The following NTM variants were observed in gnomAD, a reference collection of about 807,000 sequenced individuals.
NTM encodes the protein IgLON family member 2.
In NTM, 13 loss-of-function variants were observed where a neutral mutation model predicts 42.1. That is an observed-to-expected ratio of 0.31 (90% CI 0.20 to 0.49). The LOEUF (loss-of-function observed/expected upper bound fraction) is 0.49, where lower values mean the gene tolerates loss of function less well. NTM is among the 20% of genes least tolerant of loss of function. NTM has a pLI of 0.99. For missense variants in NTM, 373 were observed against 452.8 expected, an observed-to-expected ratio of 0.82 and a Z score of 1.60; for synonymous variants, 187 against 179.2, an observed-to-expected ratio of 1.04 and a Z score of -0.35.
chr11:131,836,613 T>A (rs1020313002), intron 1 of NTM, among the ~76,000 whole-genome samples: 4 of 152,236 alleles, frequency 2.6e-5, no homozygotes, highest in African/African-American at 9.6e-5. Flanking sequence ...CCCCTCTGTA[T>A]GCTTCTCTCC....
intron 3 of NTM, among the ~76,000 whole-genome samples, chr11:132,183,512 G>A (rs11222967): frequency 0.054 from 8,161 of 151,992 alleles, 397 homozygotes; most frequent in East Asian, 0.13. Context: ...ATGAGACTCT[G>A]GAGCCAAATT....
chr11:132,173,387 C>T (rs2076361792), intron 3 of NTM, among the ~76,000 whole-genome samples: 1 of 152,164 alleles, frequency 6.6e-6, no homozygotes, highest in African/African-American at 2.4e-5. Context: ...TCTGTTCTGA[C>T]TGGCTCTGAA....
chr11:131,737,082 G>C (rs535496396), intron 1 of NTM, among the ~76,000 whole-genome samples: 5 of 152,278 alleles, frequency 3.3e-5, no homozygotes, highest in African/African-American at 1.2e-4. Flanking sequence ...TGGATGTCAA[G>C]CTGTCAGGCT....
intron 1 of NTM, among the ~76,000 whole-genome samples, chr11:131,883,692 T>A (rs1056090240): frequency 6.6e-6 from 1 of 152,150 alleles, no homozygotes; most frequent in African/African-American, 2.4e-5. Flanking sequence ...GTCTGAAATA[T>A]TAAAGCAAAA....
At chr11:132,277,093 G>A (rs1205549173) in intron 4 of NTM, among the ~76,000 whole-genome samples, 1 of 152,098 alleles carries the variant, frequency 6.6e-6, no homozygotes, top group African/African-American at 2.4e-5. Context: ...CATGTGATTG[G>A]TGAATAAAGA....
chr11:132,014,462 T>A (rs1456140245), intron 2 of NTM, among the ~76,000 whole-genome samples: 4 of 152,034 alleles, frequency 2.6e-5, no homozygotes, highest in African/African-American at 7.2e-5. Context: ...TTCTGATAAA[T>A]CTTTGTATTG....
chr11:131,638,994 G>C (rs59866057), intron 1 of NTM, among the ~76,000 whole-genome samples: 2 of 152,006 alleles, frequency 1.3e-5, no homozygotes, highest in South Asian at 2.1e-4. Flanking sequence ...CACCTTCATC[G>C]GCCAGCTGCT....
rs139932584 is a variant in NTM, at chr11:132,297,800, G to A, written c.527-9889G>A. Among the ~76,000 whole-genome samples, 844 of 152,256 alleles carry A rather than the reference G, an allele frequency of 5.5e-3. 10 individuals carry two copies. The highest frequency in any genetic ancestry group is 0.018 in the African/African-American group (764 of 41,540). ...GATCATAGCAAGGGGGTACCAAGCC[G>A]TGTGTGTCCTGGGCTCCTTTTACAT... On this transcript the variant is annotated intron_variant, in intron 4 of 8. Coordinates refer to ENST00000683400, the MANE Select transcript of NTM (RefSeq NM_001352005.2).
At chr11:131,990,820 A>G (rs1247644994) in intron 2 of NTM, among the ~76,000 whole-genome samples, 1 of 152,208 alleles carries the variant, frequency 6.6e-6, no homozygotes, top group Non-Finnish European at 1.5e-5. Flanking sequence ...ATCTCCTGTG[A>G]GTCAGGGACT....
chr11:131,809,871 A>T (rs1475705516), intron 1 of NTM, among the ~76,000 whole-genome samples: 1 of 152,228 alleles, frequency 6.6e-6, no homozygotes, highest in African/African-American at 2.4e-5. Context: ...GAAATCACCT[A>T]CGAGATTTGT....
intron 3 of NTM, among the ~76,000 whole-genome samples, chr11:132,188,538 T>C (rs2078798882): frequency 6.6e-6 from 1 of 152,190 alleles, no homozygotes; most frequent in Non-Finnish European, 1.5e-5. Context: ...CACTTTAGTC[T>C]AGGAATATCT....
At chr11:132,204,313 T>C (rs79941734) in intron 3 of NTM, among the ~76,000 whole-genome samples, 91 of 152,362 alleles carry the variant, frequency 6.0e-4, no homozygotes, top group African/African-American at 2.1e-3. Context: ...TTCAATTTGT[T>C]TGCATTTGCA....
intron 1 of NTM, among the ~76,000 whole-genome samples, chr11:131,747,779 T>C (rs1411073511): frequency 6.6e-6 from 1 of 152,192 alleles, no homozygotes; most frequent in East Asian, 1.9e-4. Flanking sequence ...GAAAGCTCCA[T>C]GCAATTTTTT....
chr11:131,436,797 G>A (rs1047514673), intron 1 of NTM, among the ~76,000 whole-genome samples: 1 of 152,036 alleles, frequency 6.6e-6, no homozygotes, highest in African/African-American at 2.4e-5. Flanking sequence ...GTTCTGCTCT[G>A]ATCTTAGTTA....
rs910654481 is a variant in NTM at position 131,678,913 on chromosome 11, G to A, written c.83-232651G>A. Among the ~76,000 whole-genome samples the A allele has an allele frequency of 5.3e-5, 8 of 152,172 alleles. No homozygotes were observed. In the East Asian group the frequency reaches 1.3e-3, roughly 26 times the overall value. On this transcript the variant is annotated intron_variant, in intron 1 of 8. Coordinates refer to ENST00000683400, the MANE Select transcript of NTM (RefSeq NM_001352005.2). ...AGGAGCCCCACAAGCAGCTACCTTC[G>A]GCTAACACGTCCGTCTTCTTGCACA...
intron 1 of NTM, among the ~76,000 whole-genome samples, chr11:131,520,936 G>A (rs1048543657): frequency 3.3e-5 from 5 of 152,104 alleles, no homozygotes; most frequent in African/African-American, 9.7e-5. Flanking sequence ...ATTGGCTTCC[G>A]TTGAGGTCTC....
chr11:132,319,650 A>G (rs1322830189), intron 7 of NTM, among the ~76,000 whole-genome samples: 1 of 152,256 alleles, frequency 6.6e-6, no homozygotes, highest in African/African-American at 2.4e-5. Flanking sequence ...AGCCCACCAC[A>G]GCTCCAGGAG....
rs146993520 is a variant in NTM at position 131,623,663 on chromosome 11, G to A, written c.82+252775G>A. On this transcript the variant is annotated intron_variant, in intron 1 of 8. Coordinates refer to ENST00000683400, the MANE Select transcript of NTM (RefSeq NM_001352005.2). ...CGCGGATGGAGGACACTTGCAGTGC[G>A]CCTGCCTGGAGTGACCCCCGCAGAT... is the stretch of plus-strand genomic sequence containing the variant. Among the ~76,000 whole-genome samples, 92 of 152,308 alleles carry A rather than the reference G, an allele frequency of 6.0e-4. 1 individual carries two copies. The South Asian group carries it at 0.013, about 21-fold the overall frequency.
intron 4 of NTM, among the ~76,000 whole-genome samples, chr11:132,214,681 G>A (rs961794631): frequency 6.6e-6 from 1 of 152,086 alleles, no homozygotes; most frequent in African/African-American, 2.4e-5. Flanking sequence ...ACAAGGCTGT[G>A]TGTTAGAGTC....
Sources: allele counts gnomAD v4.1 joint callset (sites outside exome capture counted in the v4.1 genomes callset), GRCh38; gene constraint gnomAD v4.1.1; transcripts MANE v1.5; gene names NCBI Gene and HGNC (gene_info 2026-07-23, HGNC 2026-07-21).